Variants in PPP1R12B observed in about 807,000 individuals in gnomAD.
The protein encoded by PPP1R12B is myosin phosphatase target subunit 2.
PPP1R12B carries 76 observed loss-of-function variants against 126.1 expected under a neutral mutation model. The ratio of observed to expected loss-of-function variants is 0.60; its 90% CI spans 0.50 to 0.73. PPP1R12B has a LOEUF of 0.73. PPP1R12B is among the 30% of genes least tolerant of loss of function. The pLI, the probability that PPP1R12B is intolerant of heterozygous loss-of-function variation, is 0.00. For missense variants in PPP1R12B, 1,052 were observed against 1,205.1 expected, an observed-to-expected ratio of 0.87 and a Z score of 1.88; for synonymous variants, 356 against 434.7, an observed-to-expected ratio of 0.82 and a Z score of 2.25.
intron 9 of PPP1R12B, among the ~76,000 whole-genome samples, chr1:202,436,408 C>T (rs959138433): frequency 6.6e-6 from 1 of 151,896 alleles, no homozygotes; most frequent in Non-Finnish European, 1.5e-5. Context: ...GGAAGGGGTA[C>T]GTAAATGTGT....
intron 23 of PPP1R12B, among the ~76,000 whole-genome samples, chr1:202,579,097 C>G (rs915244085): frequency 6.6e-6 from 1 of 152,308 alleles, no homozygotes; most frequent in South Asian, 2.1e-4. Context: ...CAGTGCCATC[C>G]ACATTATAGA....
intron 13 of PPP1R12B, among the ~76,000 whole-genome samples, chr1:202,457,488 G>A (rs1037233265): frequency 3.2e-4 from 49 of 152,002 alleles, no homozygotes; most frequent in African/African-American, 1.2e-3. Context: ...GGGACGCAGA[G>A]GTTGCAGTGA....
chr1:202,490,344 C>T (rs1369385376), intron 14 of PPP1R12B, among the ~76,000 whole-genome samples: 58 of 152,146 alleles, frequency 3.8e-4, no homozygotes, highest in Non-Finnish European at 2.6e-4. Context: ...CCCTTGTTGT[C>T]TTCTTTGACT....
rs199635970 is a variant in PPP1R12B at position 202,440,680 on chromosome 1, G to T, written c.1459-26G>T. 1.2e-5 allele frequency: 18 copies of T among 1,559,312 alleles called. No homozygotes were observed. The East Asian group carries it at 3.8e-4, about 33-fold the overall frequency. ...GCTGTGCCAGTATTGTACCTTTCTTGTGCTTTACTTGTTTTTATTTTACAG... is the reference window on the plus strand; with the variant it reads ...GCTGTGCCAGTATTGTACCTTTCTTTTGCTTTACTTGTTTTTATTTTACAG... On this transcript the variant is annotated intron_variant, in intron 10 of 23. Coordinates refer to ENST00000608999, the MANE Select transcript of PPP1R12B (RefSeq NM_002481.4).
Position 202,448,979 on chromosome 1 carries a change from T to A in PPP1R12B, c.1668-10T>A. The A allele has an allele frequency of 6.2e-7, 1 of 1,613,460 alleles. No homozygotes were observed. Among genetic ancestry groups the A allele is most frequent in the Admixed American group, 1.7e-5 (1 of 60,008 alleles). Reference sequence around the variant, plus strand: ...CATTTCCTTTCTGCTTGTATCTTTTTAAATTTCAGGACTCCTCACAAATCC... The same window carrying A: ...CATTTCCTTTCTGCTTGTATCTTTTAAAATTTCAGGACTCCTCACAAATCC... On this transcript the variant is annotated splice_polypyrimidine_tract_variant and intron_variant, in intron 12 of 23. Transcript: ENST00000608999.
chr1:202,429,412 G>T (rs1669933385), intron 6 of PPP1R12B, among the ~76,000 whole-genome samples: 1 of 152,120 alleles, frequency 6.6e-6, no homozygotes, highest in Non-Finnish European at 1.5e-5. Context: ...GAGAGTATTT[G>T]GTCAGTGATT....
chr1:202,590,961 G>A lies in PPP1R12B; in HGVS notation c.*10401G>A, dbSNP rs1436246307. The A allele has an allele frequency of 6.6e-6, 1 of 152,284 alleles. No homozygotes were observed. Among genetic ancestry groups the A allele is most frequent in the Non-Finnish European group, 1.5e-5 (1 of 68,128 alleles). The allele number at this position is 152,284 out of a possible 1,614,324, so 9.4% of individuals were successfully genotyped here. On this transcript the variant is annotated 3_prime_UTR_variant, in exon 24 of 24. Coordinates refer to ENST00000608999, the MANE Select transcript of PPP1R12B (RefSeq NM_002481.4). ...CCTGATCGCTAAGGCAGGTGGGATGGAGGAACTCCTGGTGCCCCATGCACA... is the reference window on the plus strand; with the variant it reads ...CCTGATCGCTAAGGCAGGTGGGATGAAGGAACTCCTGGTGCCCCATGCACA...
At chr1:202,559,824 A>G (rs1687340219) in intron 19 of PPP1R12B, among the ~76,000 whole-genome samples, 1 of 152,182 alleles carries the variant, frequency 6.6e-6, no homozygotes, top group Non-Finnish European at 1.5e-5. Flanking sequence ...TAGTTTTGCA[A>G]AATTGTTGGA....
intron 1 of PPP1R12B, among the ~76,000 whole-genome samples, chr1:202,355,730 G>T (rs904643648): frequency 4.6e-5 from 7 of 152,176 alleles, no homozygotes; most frequent in Non-Finnish European, 1.0e-4. Flanking sequence ...GAGAGACAGA[G>T]TTGAGAGAAC....
chr1:202,469,223 G>C (rs1675498101), intron 13 of PPP1R12B, among the ~76,000 whole-genome samples: 1 of 152,172 alleles, frequency 6.6e-6, no homozygotes, highest in Admixed American at 6.6e-5. Context: ...CGAGAATGGT[G>C]GTTAGTTGTG....
chr1:202,563,120 G>T (rs1687697225), intron 20 of PPP1R12B, among the ~76,000 whole-genome samples, 198 bp downstream of exon 20: 1 of 152,108 alleles, frequency 6.6e-6, no homozygotes, highest in African/African-American at 2.4e-5. Flanking sequence ...ATATTGAGGT[G>T]TTTTGTTTTG....
intron 13 of PPP1R12B, among the ~76,000 whole-genome samples, chr1:202,450,308 A>C (rs1428867764): frequency 6.6e-6 from 1 of 152,254 alleles, no homozygotes; most frequent in Non-Finnish European, 1.5e-5. Context: ...GTTATGAGAG[A>C]ATATTGTGAA....
At chr1:202,449,237 T>A (rs1172718160) in intron 13 of PPP1R12B, 66 bp downstream of exon 13, 1 of 1,497,704 alleles carries the variant, frequency 6.7e-7, no homozygotes, top group Non-Finnish European at 8.9e-7. Context: ...GGAATGGGCA[T>A]AAAGTGTTTT....
intron 2 of PPP1R12B, among the ~76,000 whole-genome samples, chr1:202,417,968 A>G (rs938833121): frequency 2.0e-5 from 3 of 152,362 alleles, no homozygotes; most frequent in African/African-American, 7.2e-5. Context: ...AGTCAGAGCC[A>G]GAGAAACTTT....
At chr1:202,393,008 C>T (rs1351089872) in intron 1 of PPP1R12B, among the ~76,000 whole-genome samples, 11 of 152,152 alleles carry the variant, frequency 7.2e-5, no homozygotes, top group South Asian at 4.1e-4. Context: ...TGCACTGGTG[C>T]GATCTCAACT....
At chr1:202,421,704 A>G (rs1337345651) in intron 2 of PPP1R12B, among the ~76,000 whole-genome samples, 1 of 151,736 alleles carries the variant, frequency 6.6e-6, no homozygotes, top group African/African-American at 2.4e-5. Context: ...ATGTTTATTG[A>G]ATTGTTGAAT....
intron 1 of PPP1R12B, among the ~76,000 whole-genome samples, chr1:202,393,612 C>T (rs1278445098): frequency 6.6e-6 from 1 of 152,002 alleles, no homozygotes; most frequent in African/African-American, 2.4e-5. Flanking sequence ...TTATTTCTTT[C>T]CTTATTCTAG....
At chr1:202,378,858 T>G (rs1661722493) in intron 1 of PPP1R12B, among the ~76,000 whole-genome samples, 1 of 152,238 alleles carries the variant, frequency 6.6e-6, no homozygotes, top group African/African-American at 2.4e-5. Context: ...ACGCTTATTC[T>G]TTGGCTTCCA....
chr1:202,482,618 T>A (rs1236484203), intron 13 of PPP1R12B, among the ~76,000 whole-genome samples: 2 of 152,196 alleles, frequency 1.3e-5, no homozygotes, highest in Admixed American at 6.5e-5. Context: ...TGCTGCTAAG[T>A]TCCTTATATA....
Sources: allele counts gnomAD v4.1 joint callset (sites outside exome capture counted in the v4.1 genomes callset), GRCh38; gene constraint gnomAD v4.1.1; transcripts MANE v1.5; gene names NCBI Gene and HGNC (gene_info 2026-07-23, HGNC 2026-07-21).